CEP128: variants seen among roughly 807,000 people sequenced by gnomAD.
CEP128 encodes the protein centrosomal protein 128.
In CEP128, 132 loss-of-function variants were observed where a neutral mutation model predicts 156.7. The ratio of observed to expected loss-of-function variants is 0.84; its 90% CI spans 0.73 to 0.97. The LOEUF is 0.97. CEP128 is among the 50% of genes least tolerant of loss of function. The pLI, the probability that CEP128 is intolerant of heterozygous loss-of-function variation, is 0.00. For missense variants in CEP128, 1,252 were observed against 1,281.9 expected (o/e 0.98, Z 0.36); for synonymous variants, 469 against 448.9 (o/e 1.04, Z -0.57).
intron 19 of CEP128, 46 bp from the exon 20 acceptor site, chr14:80,580,469 G>GAGTTACA (rs1566791729): frequency 3.4e-6 from 4 of 1,189,594 alleles, no homozygotes; most frequent in Admixed American, 1.7e-5. Context: ...ATGTAAAAAC[G>GAGTTACA]AGTTGCCTCT....
chr14:80,767,960 CCTT>C (rs1357889111), intron 16 of CEP128, among the ~76,000 whole-genome samples: 1 of 152,076 alleles, frequency 6.6e-6, no homozygotes, highest in Non-Finnish European at 1.5e-5. Flanking sequence ...AAGATCTTAT[CCTT>C]CTTTATTTAC....
intron 20 of CEP128, among the ~76,000 whole-genome samples, chr14:80,573,793 C>T (rs1317692885): frequency 6.6e-6 from 1 of 152,142 alleles, no homozygotes; most frequent in Admixed American, 6.6e-5. Context: ...GTTGGTAAGC[C>T]TGTTCACCTT....
intron 2 of CEP128, among the ~76,000 whole-genome samples, chr14:80,933,085 C>T (rs117069754): frequency 0.022 from 3,409 of 152,162 alleles, 63 homozygotes; most frequent in Middle Eastern, 0.082. Flanking sequence ...GTAGCCCCAC[C>T]CCCTACTCAG....
chr14:80,838,916 G>A (rs1356751145), intron 10 of CEP128, among the ~76,000 whole-genome samples: 2 of 152,026 alleles, frequency 1.3e-5, no homozygotes, highest in African/African-American at 2.4e-5. Context: ...TGGCTAACAC[G>A]GTGAAACCCC....
intron 11 of CEP128, 25 bp from the exon 12 acceptor site, chr14:80,836,362 A>T: frequency 6.2e-7 from 1 of 1,613,318 alleles, no homozygotes. Context: ...AAAATCAAAC[A>T]TCGGTTTTCA....
chr14:80,745,883 AG>A (rs1476952288), intron 18 of CEP128, among the ~76,000 whole-genome samples: 1 of 152,054 alleles, frequency 6.6e-6, no homozygotes, highest in Non-Finnish European at 1.5e-5. Context: ...AAAATCTATT[AG>A]AACAAAAGAG....
chr14:80,540,198 C>CCT (rs1555372600), intron 21 of CEP128, among the ~76,000 whole-genome samples: 1 of 33,664 alleles, frequency 3.0e-5, no homozygotes, highest in South Asian at 1.0e-3. Context: ...TGTTCTTACA[C>CCT]CCCCCCCCCT....
At chr14:80,528,920 TTTTCA>T (rs2140271263) in intron 22 of CEP128, among the ~76,000 whole-genome samples, 1 of 152,332 alleles carries the variant, frequency 6.6e-6, no homozygotes, top group African/African-American at 2.4e-5. Flanking sequence ...GCTTTATGTA[TTTTCA>T]TTTAAGGCTA....
chr14:80,495,521 T>G (rs544284967), downstream of CEP128, among the ~76,000 whole-genome samples: 4 of 151,918 alleles, frequency 2.6e-5, no homozygotes, highest in South Asian at 8.4e-4. Flanking sequence ...TAACATGATA[T>G]AATGGCTTTT....
rs1441366562 is a variant in CEP128 at position 80,554,757 on chromosome 14, GACTTT to G, written c.2880+4517_2880+4521del. ...ATTATGATTCGTTGGTCAAATAACA[GACTTT>G]ACTTTGTTAGCCCTATTGCATGTTT... On this transcript the variant is annotated intron_variant, in intron 21 of 24. Transcript: ENST00000555265. Among the ~76,000 whole-genome samples the G allele has an allele frequency of 3.9e-5, 6 of 152,012 alleles. No individual in the cohort carries two copies. The East Asian group carries it at 7.7e-4, about 20-fold the overall frequency.
At chr14:80,712,699 C>T (rs566699340) in intron 19 of CEP128, among the ~76,000 whole-genome samples, 31 of 152,284 alleles carry the variant, frequency 2.0e-4, no homozygotes, top group African/African-American at 7.2e-4. Context: ...AAGGCAAGCA[C>T]TCTGGCAGCC....
chr14:80,539,369 C>T (rs1456229146), intron 21 of CEP128, among the ~76,000 whole-genome samples: 2 of 152,094 alleles, frequency 1.3e-5, no homozygotes, highest in East Asian at 1.9e-4. Flanking sequence ...GGATATGTTG[C>T]GGGAAGTCAG....
intron 21 of CEP128, among the ~76,000 whole-genome samples, chr14:80,547,796 AAT>A (rs1491433542): frequency 7.2e-6 from 1 of 139,520 alleles, no homozygotes; most frequent in Non-Finnish European, 1.5e-5. Flanking sequence ...AAGGGAGAGG[AAT>A]TTTTTTTTTT....
At chr14:80,837,441 G>A (rs955936301) in intron 11 of CEP128, among the ~76,000 whole-genome samples, 9 of 151,216 alleles carry the variant, frequency 6.0e-5, no homozygotes, top group African/African-American at 2.0e-4. Context: ...CTTATCGGCC[G>A]GGCGTGGTGG....
chr14:80,647,437 G>A (rs960565925), intron 19 of CEP128, among the ~76,000 whole-genome samples: 5 of 151,654 alleles, frequency 3.3e-5, no homozygotes, highest in Non-Finnish European at 7.4e-5. Context: ...ACATGGTTTT[G>A]AAAGCTGTGC....
At chr14:80,903,586 C>G (rs1399493962) in intron 6 of CEP128, among the ~76,000 whole-genome samples, 1 of 151,726 alleles carries the variant, frequency 6.6e-6, no homozygotes, top group African/African-American at 2.4e-5. Context: ...GGAGAAATAT[C>G]TGCAAACCAT....
intron 13 of CEP128, among the ~76,000 whole-genome samples, chr14:80,797,554 T>C (rs766896916): frequency 6.6e-6 from 1 of 152,208 alleles, no homozygotes; most frequent in African/African-American, 2.4e-5. Context: ...GTCCTTCCTA[T>C]ATTCTCCTAA....
intron 19 of CEP128, among the ~76,000 whole-genome samples, chr14:80,584,303 G>A (rs1256870004): frequency 4.0e-5 from 6 of 151,874 alleles, no homozygotes; most frequent in African/African-American, 7.2e-5. Context: ...CAGCCAGCAC[G>A]CCTGGCTACT....
chr14:80,782,828 T>C (rs558247683), intron 15 of CEP128, among the ~76,000 whole-genome samples: 3 of 152,312 alleles, frequency 2.0e-5, no homozygotes, highest in Admixed American at 6.5e-5. Flanking sequence ...ATTATAACTT[T>C]CTTAAAATGT....
Sources: allele counts gnomAD v4.1 joint callset (sites outside exome capture counted in the v4.1 genomes callset), GRCh38; gene constraint gnomAD v4.1.1; transcripts MANE v1.5; gene names NCBI Gene and HGNC (gene_info 2026-07-23, HGNC 2026-07-21).